The following PTP4A3 variants were observed in gnomAD, a reference collection of about 807,000 sequenced individuals.
The protein encoded by PTP4A3 is protein tyrosine phosphatase 4A3.
In PTP4A3, 9 loss-of-function variants were observed where a neutral mutation model predicts 15.2. The ratio of observed to expected loss-of-function variants is 0.59; its 90% CI spans 0.36 to 1.03. The LOEUF is 1.03. Among genes scored for constraint, PTP4A3 ranks in the 50% least tolerant of loss-of-function variants. PTP4A3 has a pLI of 0.02. For missense variants in PTP4A3, 234 were observed against 252.1 expected (o/e 0.93, Z 0.49); for synonymous variants, 95 against 102.0 (o/e 0.93, Z 0.41).
chr8:141,406,845 A>C lies in PTP4A3; in HGVS notation c.-853-14543A>C, dbSNP rs560004410. Among the ~76,000 whole-genome samples the C allele has an allele frequency of 2.0e-5, 3 of 152,286 alleles. No individual in the cohort carries two copies. In the East Asian group the frequency reaches 5.8e-4, roughly 29 times the overall value. On this transcript the variant is annotated intron_variant, in intron 1 of 5. Transcript: ENST00000521578. This position sits in a 1 kb window ranked among gnomAD's most constrained non-coding sequence, Gnocchi z 4.5. ...TGCCTCCTGCTGTTCCCACTGAGCG[A>C]ATTAAATAAGTCTTTGCCCTGTGCC...
In PTP4A3 at chr8:141,426,997, G is replaced by A; in HGVS notation, c.257G>A (p.Ser86Asn). The A allele has an allele frequency of 6.2e-7, 1 of 1,607,166 alleles. No homozygotes were observed. Among genetic ancestry groups the A allele is most frequent in the Non-Finnish European group, 8.5e-7 (1 of 1,179,864 alleles). ...GGCAAGGTAGTGGAAGACTGGCTGA[G>A]CCTGGTGAAGGCCAAGTTCTGTGAG... ...PPGKVVEDWLSLVKAKFCEAP... is the reference protein window; with the variant it reads ...PPGKVVEDWLNLVKAKFCEAP... The change falls in exon 4 of 6, where the codon AGC becomes AAC. Residue 86 changes from serine to asparagine, a missense_variant. Physicochemically the swap from Ser to Asn is conservative, Grantham distance 46 (BLOSUM62 1). Transcript: ENST00000521578.
At chr8:141,423,970 G>A (rs1046726164) in intron 2 of PTP4A3, among the ~76,000 whole-genome samples, 13 of 151,846 alleles carry the variant, frequency 8.6e-5, no homozygotes, top group Non-Finnish European at 1.9e-4. Flanking sequence ...GACTATCAAG[G>A]CTCAGGACGT....
intron 1 of PTP4A3, among the ~76,000 whole-genome samples, chr8:141,404,378 A>AC (rs1251088901): frequency 5.9e-5 from 9 of 152,352 alleles, no homozygotes; most frequent in South Asian, 2.1e-4. Context: ...GGGGACTCTC[A>AC]TAGGATTGGA....
In PTP4A3 at chr8:141,419,936, C is replaced by T. The variant is rs112680969; in HGVS notation, c.-853-1452C>T. Among the ~76,000 whole-genome samples the T allele has an allele frequency of 2.4e-3, 364 of 152,270 alleles. 2 individuals are homozygous for T. Among genetic ancestry groups the T allele is most frequent in the African/African-American group, 8.4e-3 (350 of 41,544 alleles). On this transcript the variant is annotated intron_variant, in intron 1 of 5. Transcript: ENST00000521578. ...GCAGTGGACAGAGCCTGAGGTGTGG[C>T]GGCTGCTCTGAGCCCATGAGCACTG...
chr8:141,430,488 G>A (rs925170076), intron 5 of PTP4A3, among the ~76,000 whole-genome samples: 1 of 152,212 alleles, frequency 6.6e-6, no homozygotes, highest in African/African-American at 2.4e-5. Context: ...GACAGGGTGA[G>A]CATGCAGCCC....
intron 1 of PTP4A3, among the ~76,000 whole-genome samples, chr8:141,408,492 G>A (rs1160063398): frequency 2.0e-5 from 3 of 151,986 alleles, no homozygotes; most frequent in African/African-American, 4.8e-5. Flanking sequence ...GGTCATGGGC[G>A]CCCGTAATTC....
intron 1 of PTP4A3, among the ~76,000 whole-genome samples, chr8:141,404,034 G>T (rs1270010164): frequency 1.3e-5 from 2 of 152,230 alleles, no homozygotes; most frequent in Non-Finnish European, 2.9e-5. Flanking sequence ...CCCCTCTCGG[G>T]GCACACTCCC....
intron 2 of PTP4A3, 107 bp downstream of exon 2, chr8:141,422,452 A>G (rs1162177050): frequency 8.6e-7 from 1 of 1,162,584 alleles, no homozygotes; most frequent in Admixed American, 1.9e-5. Context: ...GGCTGGCCAG[A>G]CAGGGCTCAC....
chr8:141,401,486 A>C (rs964723155), intron 1 of PTP4A3, among the ~76,000 whole-genome samples: 2 of 152,186 alleles, frequency 1.3e-5, no homozygotes, highest in Admixed American at 6.5e-5. Flanking sequence ...CCGAGAGGGC[A>C]GCGGGTCCAT....
At chr8:141,427,164 G>A (rs1010979640) in intron 4 of PTP4A3, 95 bp downstream of exon 4, 14 of 1,511,816 alleles carry the variant, frequency 9.3e-6, no homozygotes, top group South Asian at 2.5e-5. Flanking sequence ...TTGAACACAC[G>A]TCCACGCGAC....
Position 141,425,218 on chromosome 8 carries a change from G to A in PTP4A3, c.198+78G>A, listed in dbSNP as rs1003180417. 31 of 1,402,126 alleles carry A rather than the reference G, an allele frequency of 2.2e-5. No individual in the cohort carries two copies. The highest frequency in any genetic ancestry group is 2.8e-5 in the Non-Finnish European group (29 of 1,017,642). 86.9% of individuals were successfully genotyped at this position (1,402,126 alleles called of 1,614,324 possible). A position where few individuals can be genotyped will look rare whatever the true frequency, so the allele number is the denominator to read the frequency against. ...GGGCGGGGGGCTCCGGGCCTGCGCA[G>A]AGGGTTTGGTGCCCCTCCTGTGGCA... On this transcript the variant is annotated intron_variant, in intron 3 of 5. Coordinates refer to ENST00000521578, the MANE Select transcript of PTP4A3 (RefSeq NM_032611.3). The surrounding 1 kb of genome is among the most constrained non-coding windows in gnomAD (Gnocchi z 4.2).
intron 1 of PTP4A3, among the ~76,000 whole-genome samples, chr8:141,405,146 G>A (rs891252626): frequency 6.6e-6 from 1 of 152,232 alleles, no homozygotes. Flanking sequence ...ACCCAGGAAT[G>A]AGCAGGACCT....
At chr8:141,426,774 T>C in intron 3 of PTP4A3, 165 bp from the exon 4 acceptor site, 1 of 915,234 alleles carries the variant, frequency 1.1e-6, no homozygotes. Context: ...GGGGTGCCCA[T>C]AGGCAAGCTG....
At chr8:141,397,599 C>T (rs764500818) in intron 1 of PTP4A3, among the ~76,000 whole-genome samples, 1 of 152,218 alleles carries the variant, frequency 6.6e-6, no homozygotes, top group Non-Finnish European at 1.5e-5. Flanking sequence ...CCCCTGCAGA[C>T]CCTCACAAGG....
intron 2 of PTP4A3, 46 bp downstream of exon 2, chr8:141,422,391 G>T (rs1337849200): frequency 6.2e-7 from 1 of 1,607,972 alleles, no homozygotes; most frequent in Admixed American, 1.7e-5. Context: ...CAGGTGTCTG[G>T]GAAGCCCGGC....
In PTP4A3 at chr8:141,422,341, T is replaced by C. The variant is rs945868380; in HGVS notation, c.101T>C (p.Ile34Thr). Residue 34 changes from isoleucine (I) to threonine (T), a missense_variant, in exon 2 of 6, where the codon ATT becomes ACT. Transcript: ENST00000521578. ...ACCAACGCCACGCTCAGCACCTTCA[T>C]TGAGGTGAGTGGAGACGGAGGTGTG... ...NPTNATLSTFIEDLKKYGATT... is the reference protein window; with the variant it reads ...NPTNATLSTFTEDLKKYGATT... 1.2e-5 allele frequency: 20 copies of C among 1,613,234 alleles called. No homozygotes were observed. The highest frequency in any genetic ancestry group is 1.6e-5 in the Non-Finnish European group (19 of 1,179,914).
Position 141,431,236 on chromosome 8 carries a change from C to T in PTP4A3, c.*192C>T, listed in dbSNP as rs1376337859. 2 of 597,818 alleles carry T rather than the reference C, an allele frequency of 3.3e-6. No individual in the cohort carries two copies. Among genetic ancestry groups the T allele is most frequent in the South Asian group, 2.1e-5 (1 of 48,654 alleles). The allele number at this position is 597,818 out of a possible 1,614,324, so 37.0% of individuals were successfully genotyped here. A position where few individuals can be genotyped will look rare whatever the true frequency, so the allele number is the denominator to read the frequency against. ...GAGGAGCCCCTCGGGCCCTGGGTGG[C>T]CTCTGGGCCCTTTCTCCTGTCTCCG... On this transcript the variant is annotated 3_prime_UTR_variant, in exon 6 of 6. Coordinates refer to ENST00000521578, the MANE Select transcript of PTP4A3 (RefSeq NM_032611.3).
Position 141,425,073 on chromosome 8 carries a change from C to T in PTP4A3, c.131C>T (p.Thr44Ile), listed in dbSNP as rs1298197878. ...IEDLKKYGAT[T>I]VVRVCEVTYD... ...GACCTGAAGAAGTACGGGGCTACCA[C>T]TGTGGTGCGTGTGTGTGAAGTGACC... The change falls in exon 3 of 6, where the codon ACT (threonine) becomes ATT (isoleucine). Residue 44 changes from threonine (T) to isoleucine (I), a missense_variant. Physicochemically the swap from Thr to Ile is moderately conservative, Grantham distance 89. Transcript: ENST00000521578. This position sits in a 1 kb window ranked among gnomAD's most constrained non-coding sequence, Gnocchi z 4.2. 3 of 1,612,894 alleles carry T rather than the reference C, an allele frequency of 1.9e-6. No homozygotes were observed. Among genetic ancestry groups the T allele is most frequent in the Non-Finnish European group, 2.5e-6 (3 of 1,179,692 alleles).
intron 1 of PTP4A3, among the ~76,000 whole-genome samples, chr8:141,400,722 C>G (rs1563724508): frequency 6.6e-6 from 1 of 152,170 alleles, no homozygotes; most frequent in Non-Finnish European, 1.5e-5. Flanking sequence ...CATCCCTATC[C>G]TGGCTGCTGT....
Sources: gnomAD v4.1 joint callset for allele counts (sites outside exome capture counted in the v4.1 genomes callset) on GRCh38, gnomAD v4.1.1 for gene constraint, Gnocchi (gnomAD v3.1) non-coding constraint, MANE v1.5 for transcripts, NCBI Gene and HGNC (gene_info 2026-07-23, HGNC 2026-07-21) for gene names.